The following MYH8 variants were observed in gnomAD, a reference collection of about 807,000 sequenced individuals.
MYH8 encodes myosin heavy chain 8.
In MYH8, 168 loss-of-function variants were observed where a neutral mutation model predicts 233.2. That is an observed-to-expected ratio of 0.72 (90% CI 0.64 to 0.82). The LOEUF (loss-of-function observed/expected upper bound fraction) is 0.82. MYH8 is among the 40% of genes least tolerant of loss of function. MYH8 has a pLI of 0.00. For synonymous variants in MYH8, 785 were observed against 850.6 expected (o/e 0.92, Z 1.34); for missense variants, 1,995 against 2,327.8 (o/e 0.86, Z 2.94).
chr17:10,396,710 T>C lies in MYH8; in HGVS notation c.4371A>G (p.Ser1457=). 1 of 1,614,206 alleles carries C rather than the reference T, an allele frequency of 6.2e-7. No homozygotes were observed. Among genetic ancestry groups the C allele is most frequent in the African/African-American group, 1.3e-5 (1 of 75,048 alleles). Residue 1457 remains serine, a synonymous_variant, in exon 32 of 40, where the codon TCA becomes TCG. Coordinates refer to ENST00000403437, the MANE Select transcript of MYH8 (RefSeq NM_002472.3). This position sits in a 1 kb window ranked among gnomAD's most constrained non-coding sequence, Gnocchi z 4.2. ...KKQRNFDKVL[S]EWKQKYEETQ... is the part of the protein sequence containing the mutation. ...TTTCCTCATACTTCTGCTTCCATTC[T>C]GATAGGACCTGAAAAGCAATAAATC...
chr17:10,398,994 G>GTGTATATATATATATA (rs1555555758), intron 28 of MYH8, 108 bp from the exon 29 acceptor site: 15 of 312,714 alleles, frequency 4.8e-5, no homozygotes, highest in African/African-American at 3.3e-4. Flanking sequence ...ATGTGTGTGT[G>GTGTATATATATATATA]TATATATATA....
rs2072298393 is a variant in MYH8 at position 10,417,418 on chromosome 17, G to C, written c.511+1227C>G. ...CCTATTCAGATAGATTTGTTTTCTA[G>C]TATAAGTAAAACCGTGGAAGATTAT... On this transcript the variant is annotated intron_variant, in intron 5 of 39. Coordinates refer to ENST00000403437, the MANE Select transcript of MYH8 (RefSeq NM_002472.3). This position sits in a 1 kb window ranked among gnomAD's most constrained non-coding sequence, Gnocchi z 4.1. Among the ~76,000 whole-genome samples the C allele has an allele frequency of 6.6e-6, 1 of 152,228 alleles. No individual in the cohort carries two copies.
chr17:10,406,296 T>C lies in MYH8; in HGVS notation c.2273A>G (p.Gln758Arg), dbSNP rs945295096. ...LLASIDIDHT[Q>R]YKFGHTKVFF... ...TACCTTGGTATGTCCAAATTTATAT[T>C]GAGTATGATCAATATCAATAGATGC... Residue 758 changes from glutamine (Q) to arginine (R), a missense_variant, in exon 20 of 40, where the codon CAA becomes CGA. By Grantham distance (43) the Gln-to-Arg change is conservative. Coordinates refer to ENST00000403437, the MANE Select transcript of MYH8 (RefSeq NM_002472.3). 9 of 1,614,038 alleles carry C rather than the reference T, an allele frequency of 5.6e-6. No homozygotes were observed. The highest frequency in any genetic ancestry group is 7.6e-6 in the Non-Finnish European group (9 of 1,179,898).
rs745819204 is a variant in MYH8 at position 10,401,456 on chromosome 17, A to G, written c.2932-5T>C. On this transcript the variant is annotated splice_polypyrimidine_tract_variant and splice_region_variant and intron_variant, in intron 23 of 39. Coordinates refer to ENST00000403437, the MANE Select transcript of MYH8 (RefSeq NM_002472.3). ...CTCTTCTGTAAGATTTTTCACCTAC[A>G]AAGGTTAAGAAAGAGATTATTTCTC... 1.2e-6 allele frequency: 2 copies of G among 1,613,926 alleles called. No homozygotes were observed. Among genetic ancestry groups the G allele is most frequent in the African/African-American group, 1.3e-5 (1 of 74,882 alleles).
chr17:10,412,912 T>G (rs549867826), intron 12 of MYH8, among the ~76,000 whole-genome samples, 184 bp from the exon 13 acceptor site: 3 of 152,246 alleles, frequency 2.0e-5, no homozygotes, highest in African/African-American at 7.2e-5. Context: ...TTGGTTATAC[T>G]GATCTTTAGT....
chr17:10,399,711 AT>A (rs2072117628), intron 27 of MYH8, 42 bp from the exon 28 acceptor site: 1 of 1,612,340 alleles, frequency 6.2e-7, no homozygotes. Flanking sequence ...ATTGAATGCA[AT>A]AAAAAGGTTA....
chr17:10,390,430 C>A lies in MYH8; in HGVS notation c.*24G>T, dbSNP rs747677738. On this transcript the variant is annotated 3_prime_UTR_variant, in exon 40 of 40. Transcript: ENST00000403437. ...CACATTTTGTGCCTTTCTTCAGCCTCTTGATAGCATCAGGCAGGTGTGTTT... is the reference window on the plus strand; with the variant it reads ...CACATTTTGTGCCTTTCTTCAGCCTATTGATAGCATCAGGCAGGTGTGTTT... The A allele has an allele frequency of 2.5e-6, 4 of 1,612,698 alleles. No individual in the cohort carries two copies. The highest frequency in any genetic ancestry group is 3.4e-6 in the Non-Finnish European group (4 of 1,180,014).
chr17:10,419,160 T>A lies in MYH8; in HGVS notation c.211-130A>T. 1.8e-6 allele frequency: 2 copies of A among 1,081,470 alleles called. No homozygotes were observed. The highest frequency in any genetic ancestry group is 1.6e-5 in the African/African-American group (1 of 64,064). The allele number at this position is 1,081,470 out of a possible 1,614,324, so 67.0% of individuals were successfully genotyped here. A position where few individuals can be genotyped will look rare whatever the true frequency, so the allele number is the denominator to read the frequency against. On this transcript the variant is annotated intron_variant, in intron 3 of 39. Coordinates refer to ENST00000403437, the MANE Select transcript of MYH8 (RefSeq NM_002472.3). This position sits in a 1 kb window ranked among gnomAD's most constrained non-coding sequence, Gnocchi z 4.0. ...GCAACCTCCGCCCTCCTGCTTCAAGTGATTGTCCTGCCTCAGCCTTCTGAG... is the reference window on the plus strand; with the variant it reads ...GCAACCTCCGCCCTCCTGCTTCAAGAGATTGTCCTGCCTCAGCCTTCTGAG...
At chr17:10,394,105 T>C in intron 35 of MYH8, 144 bp downstream of exon 35, 1 of 1,062,432 alleles carries the variant, frequency 9.4e-7, no homozygotes, top group Non-Finnish European at 1.3e-6. Flanking sequence ...CCAATTACCC[T>C]AAGATAATAG....
chr17:10,399,520 G>A, intron 28 of MYH8, 23 bp downstream of exon 28: 1 of 1,612,530 alleles, frequency 6.2e-7, no homozygotes, highest in Non-Finnish European at 8.5e-7. Context: ...CATGGTGTTG[G>A]GACCCAGAGA....
In MYH8 at chr17:10,401,556, G is replaced by C. The variant is rs753480257; in HGVS notation, c.2918C>G (p.Ala973Gly). 6.2e-7 allele frequency: 1 copy of C among 1,614,104 alleles called. No individual in the cohort carries two copies. The highest frequency in any genetic ancestry group is 8.5e-7 in the Non-Finnish European group (1 of 1,180,018). ...TLAKVEKEKH[A>G]TENKVKNLTE... ...TATGACTGATACCTTGTTCTCCGTGGCATGTTTCTCCTTCTCAACCTTGGC... is the reference window on the plus strand; with the variant it reads ...TATGACTGATACCTTGTTCTCCGTGCCATGTTTCTCCTTCTCAACCTTGGC... Residue 973 changes from alanine to glycine, a missense_variant, in exon 23 of 40, where the codon GCC (alanine) becomes GGC (glycine). Transcript: ENST00000403437.
In MYH8 at chr17:10,404,441, G is replaced by A. The variant is rs755491430; in HGVS notation, c.2577C>T (p.Phe859=). 6.2e-7 allele frequency: 1 copy of A among 1,613,740 alleles called. No homozygotes were observed. The change falls in exon 22 of 40, where the codon TTC becomes TTT. Residue 859 remains phenylalanine (F), a synonymous_variant. Transcript: ENST00000403437. ...TGGCGAGTTCATCTTTGGTTTTCTG[G>A]AATTCTTCCTTCATGGTGGCCATCT... is the stretch of plus-strand genomic sequence containing the variant. The part of the protein sequence containing the change: ...EKEMATMKEE[F]QKTKDELAKS...
rs904104031 is a variant in MYH8, at chr17:10,417,178, A to C, written c.511+1467T>G. ...TAAATAATAAAAACAAATGTCACTA[A>C]TTATGTGACTGATATGTTGTATTTA... is the stretch of plus-strand genomic sequence containing the variant. On this transcript the variant is annotated intron_variant, in intron 5 of 39. Transcript: ENST00000403437. The surrounding 1 kb of genome is among the most constrained non-coding windows in gnomAD (Gnocchi z 4.1). 6.6e-6 allele frequency among the ~76,000 whole-genome samples: 1 copy of C among 152,222 alleles called. No homozygotes were observed. The highest frequency in any genetic ancestry group is 2.4e-5 in the African/African-American group (1 of 41,466).
At position 10,419,816 on chromosome 17, in the gene MYH8, G is replaced by C. The variant is rs989095824; in HGVS notation, c.210+202C>G. Among the ~76,000 whole-genome samples, 2 of 152,154 alleles carry C rather than the reference G, an allele frequency of 1.3e-5. No homozygotes were observed. The highest frequency in any genetic ancestry group is 1.3e-4 in the Admixed American group (2 of 15,272). Reference sequence around the variant, plus strand: ...GGAAATGGTGAAGGCCATACATAGTGGGGTGAGGTCCTGTGCGAAGTTGGG... The same window carrying C: ...GGAAATGGTGAAGGCCATACATAGTCGGGTGAGGTCCTGTGCGAAGTTGGG... On this transcript the variant is annotated intron_variant, in intron 3 of 39. Transcript: ENST00000403437. The surrounding 1 kb of genome is among the most constrained non-coding windows in gnomAD (Gnocchi z 4.0).
At position 10,406,354 on chromosome 17, in the gene MYH8, T is replaced by G; in HGVS notation, c.2215A>C (p.Ile739Leu). 1.2e-6 allele frequency: 2 copies of G among 1,614,026 alleles called. No individual in the cohort carries two copies. Among genetic ancestry groups the G allele is most frequent in the South Asian group, 2.2e-5 (2 of 91,070 alleles). The change falls in exon 20 of 40, where the codon ATT becomes CTT. Residue 739 changes from isoleucine (I) to leucine (L), a missense_variant. Ile to Leu is a conservative substitution (Grantham distance 5). Transcript: ENST00000403437. ...TTCTCAGAAGCCTTCTTGCTGTCAA[T>G]GAACTGTCCCTCTGGAATAGCACTT... Reference protein sequence around the residue: ...NASAIPEGQFIDSKKASEKLL... With the variant: ...NASAIPEGQFLDSKKASEKLL...
intron 5 of MYH8, among the ~76,000 whole-genome samples, chr17:10,416,399 A>G (rs915909312): frequency 2.2e-4 from 33 of 152,194 alleles, no homozygotes; most frequent in African/African-American, 8.0e-4. Flanking sequence ...ATTGTAAATA[A>G]TGCTGCTATT....
chr17:10,390,780 AAGG>A (rs1209769133), intron 39 of MYH8, among the ~76,000 whole-genome samples, 177 bp from the exon 40 acceptor site: 7 of 152,224 alleles, frequency 4.6e-5, no homozygotes, highest in African/African-American at 1.7e-4. Context: ...TAAAGAATGA[AAGG>A]AGAGTTTTGA....
Position 10,398,436 on chromosome 17 carries a change from G to A in MYH8, c.4178+8C>T, listed in dbSNP as rs369180570. 2.5e-6 allele frequency: 4 copies of A among 1,613,984 alleles called. No individual in the cohort carries two copies. On this transcript the variant is annotated splice_region_variant and intron_variant, in intron 30 of 39. Coordinates refer to ENST00000403437, the MANE Select transcript of MYH8 (RefSeq NM_002472.3). ...GGGAGTTCCTCTTCTAGAGTTCACAGCACATACTTGGCCTCCTCCAGCTCC... is the reference window on the plus strand; with the variant it reads ...GGGAGTTCCTCTTCTAGAGTTCACAACACATACTTGGCCTCCTCCAGCTCC...
Position 10,401,737 on chromosome 17 carries a change from T to TA in MYH8, c.2736dup (p.Lys913Ter), listed in dbSNP as rs2072145252. The TA allele has an allele frequency of 6.2e-6, 10 of 1,614,212 alleles. No individual in the cohort carries two copies. Among genetic ancestry groups the TA allele is most frequent in the Non-Finnish European group, 8.5e-6 (10 of 1,180,036 alleles). On this transcript the variant is annotated frameshift_variant, in exon 23 of 40. Transcript: ENST00000403437. LOFTEE classifies it high-confidence loss of function. ...TTGGCCTCAAGTTGGATTTTGTTTT[T>TA]AATCAGTTGCTCACACCTTTCCTCT...
Sources: allele counts gnomAD v4.1 joint callset (sites outside exome capture counted in the v4.1 genomes callset), GRCh38; gene constraint gnomAD v4.1.1; non-coding constraint Gnocchi (gnomAD v3.1); transcripts MANE v1.5; gene names NCBI Gene and HGNC (gene_info 2026-07-23, HGNC 2026-07-21).